The following POMC variants were observed in gnomAD, a reference collection of about 807,000 sequenced individuals.
POMC encodes the protein pro-opiomelanocortin.
Under a neutral mutation model 18.5 loss-of-function variants are expected in POMC, and 19 were observed. The observed-to-expected ratio is 1.03, with a 90% confidence interval of 0.72 to 1.51. POMC has a LOEUF of 1.51. Among genes scored for constraint, POMC ranks in the 40% most tolerant of loss-of-function variants. The probability of loss-of-function intolerance (pLI) is 0.00; values close to 1 mark genes in which losing one functional copy is unlikely to be tolerated. For missense variants in POMC, 451 were observed against 379.0 expected (o/e 1.19, Z -1.58); for synonymous variants, 179 against 161.9 (o/e 1.11, Z -0.80).
rs763349234 is a variant in POMC at position 25,161,742 on chromosome 2, C to T, written c.143G>A (p.Arg48Gln). ...TTESNLLECI[R>Q]ACKPDLSAET... is the part of the protein sequence containing the mutation. ...GGCCGAGAGGTCGGGCTTGCAGGCC[C>T]GGATGCACTCCTGGGGGAAGACGCG... The change falls in exon 3 of 3, where the codon CGG (arginine) becomes CAG (glutamine). Residue 48 changes from arginine (R) to glutamine (Q), a missense_variant. Arg to Gln is a conservative substitution (Grantham distance 43, BLOSUM62 1). Transcript: ENST00000395826. This position sits in a 1 kb window ranked among gnomAD's most constrained non-coding sequence, Gnocchi z 5.7. The T allele has an allele frequency of 1.1e-5, 18 of 1,593,760 alleles. No homozygotes were observed. Among genetic ancestry groups the T allele is most frequent in the Non-Finnish European group, 1.5e-5 (17 of 1,171,430 alleles).
At position 25,161,796 on chromosome 2, in the gene POMC, C is replaced by G. The variant is rs1329098242; in HGVS notation, c.133-44G>C. On this transcript the variant is annotated intron_variant, in intron 2 of 2. Coordinates refer to ENST00000395826, the MANE Select transcript of POMC (RefSeq NM_000939.4). The surrounding 1 kb of genome is among the most constrained non-coding windows in gnomAD (Gnocchi z 5.7). Reference sequence around the variant, plus strand: ...GCATGAGGGCAGCCCGTGCCCCGCACCCCGGCCCGGCTGCCGCGCCCGTCA... The same window carrying G: ...GCATGAGGGCAGCCCGTGCCCCGCAGCCCGGCCCGGCTGCCGCGCCCGTCA... 6.5e-7 allele frequency: 1 copy of G among 1,542,490 alleles called. No homozygotes were observed. The highest frequency in any genetic ancestry group is 8.7e-7 in the Non-Finnish European group (1 of 1,145,912).
At chr2:25,165,351 T>A (rs1671518764) in intron 1 of POMC, among the ~76,000 whole-genome samples, 1 of 152,216 alleles carries the variant, frequency 6.6e-6, no homozygotes, top group Admixed American at 6.5e-5. Context: ...AATATTAGGT[T>A]GACAGAAAAG....
chr2:25,164,744 C>G lies in POMC; in HGVS notation c.29G>C (p.Gly10Ala). The G allele has an allele frequency of 6.2e-7, 1 of 1,614,128 alleles. No homozygotes were observed. Among genetic ancestry groups the G allele is most frequent in the Non-Finnish European group, 8.5e-7 (1 of 1,180,032 alleles). ...AAGCAGCAAGGCCAGCAACAGGGCC[C>G]CCGAGCGGCTGCAGCACGATCTCGG... MPRSCCSRSGALLLALLLQA... is the reference protein window; with the variant it reads MPRSCCSRSAALLLALLLQA... Residue 10 changes from glycine (G) to alanine (A), a missense_variant, in exon 2 of 3, where the codon GGG becomes GCG. Physicochemically the swap from Gly to Ala is moderately conservative, Grantham distance 60. Transcript: ENST00000395826.
Position 25,161,436 on chromosome 2 carries a change from A to G in POMC, c.449T>C (p.Val150Ala). 1 of 1,606,866 alleles carries G rather than the reference A, an allele frequency of 6.2e-7. No individual in the cohort carries two copies. The highest frequency in any genetic ancestry group is 8.5e-7 in the Non-Finnish European group (1 of 1,178,242). ...CTTCACTGGGCGCCGCTTCTTGCCC[A>G]CCGGCTTGCCCCAGCGGAAGTGCTC... ...SMEHFRWGKP[V>A]GKKRRPVKVY... The change falls in exon 3 of 3, where the codon GTG becomes GCG. Residue 150 changes from valine (V) to alanine (A), a missense_variant. Coordinates refer to ENST00000395826, the MANE Select transcript of POMC (RefSeq NM_000939.4). The surrounding 1 kb of genome is among the most constrained non-coding windows in gnomAD (Gnocchi z 5.7).
intron 1 of POMC, among the ~76,000 whole-genome samples, chr2:25,167,706 C>T (rs1397743423): frequency 1.3e-5 from 2 of 152,182 alleles, no homozygotes; most frequent in Non-Finnish European, 2.9e-5. Flanking sequence ...ATTCAGGGGT[C>T]TGAATCCGAA....
intron 1 of POMC, among the ~76,000 whole-genome samples, chr2:25,167,871 T>C (rs1329371001): frequency 1.3e-5 from 2 of 152,186 alleles, no homozygotes; most frequent in Non-Finnish European, 2.9e-5. Context: ...AAGACCGGGC[T>C]GGCCGGGGGC....
In POMC at chr2:25,164,801, G is replaced by A; in HGVS notation, c.-20-9C>T. On this transcript the variant is annotated splice_polypyrimidine_tract_variant and intron_variant, in intron 1 of 2. Transcript: ENST00000395826. The stretch of plus-strand genomic sequence containing the variant: ...CCAGGCAGGCTGAGGCTCTGCAGAA[G>A]CAAACAAGATTGGTGGGACCCCTGC... 1 of 1,612,802 alleles carries A rather than the reference G, an allele frequency of 6.2e-7. No homozygotes were observed. Among genetic ancestry groups the A allele is most frequent in the Non-Finnish European group, 8.5e-7 (1 of 1,179,934 alleles).
chr2:25,161,150 C>T lies in POMC; in HGVS notation c.735G>A (p.Lys245=), dbSNP rs1426199112. The T allele has an allele frequency of 6.2e-7, 1 of 1,614,016 alleles. No homozygotes were observed. Among genetic ancestry groups the T allele is most frequent in the East Asian group, 2.2e-5 (1 of 44,854 alleles). Residue 245 remains lysine, a synonymous_variant, in exon 3 of 3, where the codon AAG becomes AAA. Transcript: ENST00000395826. The surrounding 1 kb of genome is among the most constrained non-coding windows in gnomAD (Gnocchi z 5.7). The part of the protein sequence containing the change: ...KRYGGFMTSE[K]SQTPLVTLFK... The stretch of plus-strand genomic sequence containing the variant: ...ACAGCGTCACCAGGGGCGTCTGGCT[C>T]TTCTCGGAGGTCATGAAACCGCCGT...
rs1478213489 is a variant in POMC, at chr2:25,161,730, G to A, written c.155C>T (p.Pro52Leu). The A allele has an allele frequency of 1.3e-6, 2 of 1,594,714 alleles. No individual in the cohort carries two copies. Among genetic ancestry groups the A allele is most frequent in the South Asian group, 1.1e-5 (1 of 87,828 alleles). Residue 52 changes from proline to leucine, a missense_variant, in exon 3 of 3, where the codon CCC (proline) becomes CTC (leucine). Physicochemically the swap from Pro to Leu is moderately conservative, Grantham distance 98 (BLOSUM62 -3). Transcript: ENST00000395826. This position sits in a 1 kb window ranked among gnomAD's most constrained non-coding sequence, Gnocchi z 5.7. ...NLLECIRACK[P>L]DLSAETPMFP... is the part of the protein sequence containing the mutation. ...CATGGGAGTCTCGGCCGAGAGGTCG[G>A]GCTTGCAGGCCCGGATGCACTCCTG... is the stretch of plus-strand genomic sequence containing the variant.
intron 2 of POMC, among the ~76,000 whole-genome samples, chr2:25,163,825 A>G (rs1286103824): frequency 3.3e-5 from 5 of 152,064 alleles, no homozygotes; most frequent in Non-Finnish European, 5.9e-5. Context: ...AGGTCTCACT[A>G]TGTTGCCCAG....
intron 1 of POMC, among the ~76,000 whole-genome samples, chr2:25,165,382 T>C (rs1671519667): frequency 6.6e-6 from 1 of 152,210 alleles, no homozygotes; most frequent in Non-Finnish European, 1.5e-5. Context: ...CACTGGCCAA[T>C]TTAGGCAGCA....
At chr2:25,162,700 C>G (rs570988009) in intron 2 of POMC, among the ~76,000 whole-genome samples, 155 of 152,230 alleles carry the variant, frequency 1.0e-3, no homozygotes, top group Admixed American at 3.8e-3. Context: ...TAGAGCGAGA[C>G]TCCGTCTCAA....
In POMC at chr2:25,161,722, A is replaced by G. The variant is rs757041963; in HGVS notation, c.163T>C (p.Ser55Pro). 5.6e-6 allele frequency: 9 copies of G among 1,593,668 alleles called. No individual in the cohort carries two copies. In the Admixed American group the frequency reaches 1.6e-4, roughly 27 times the overall value. The change falls in exon 3 of 3, where the codon TCG (serine) becomes CCG (proline). Residue 55 changes from serine to proline, a missense_variant. By Grantham distance (74) the Ser-to-Pro change is moderately conservative. Coordinates refer to ENST00000395826, the MANE Select transcript of POMC (RefSeq NM_000939.4). The surrounding 1 kb of genome is among the most constrained non-coding windows in gnomAD (Gnocchi z 5.7). ...CCCGGGAACATGGGAGTCTCGGCCG[A>G]GAGGTCGGGCTTGCAGGCCCGGATG... ...ECIRACKPDL[S>P]AETPMFPGNG...
rs1671393358 is a variant in POMC, at chr2:25,161,725, G to A, written c.160C>T (p.Leu54Phe). 6.3e-7 allele frequency: 1 copy of A among 1,594,482 alleles called. No homozygotes were observed. The highest frequency in any genetic ancestry group is 8.5e-7 in the Non-Finnish European group (1 of 1,171,608). The change falls in exon 3 of 3, where the codon CTC (leucine) becomes TTC (phenylalanine). Residue 54 changes from leucine (L) to phenylalanine (F), a missense_variant. By Grantham distance (22) the Leu-to-Phe change is conservative. Transcript: ENST00000395826. The surrounding 1 kb of genome is among the most constrained non-coding windows in gnomAD (Gnocchi z 5.7). Reference sequence around the variant, plus strand: ...GGGAACATGGGAGTCTCGGCCGAGAGGTCGGGCTTGCAGGCCCGGATGCAC... The same window carrying A: ...GGGAACATGGGAGTCTCGGCCGAGAAGTCGGGCTTGCAGGCCCGGATGCAC... Reference protein sequence around the residue: ...LECIRACKPDLSAETPMFPGN... With the variant: ...LECIRACKPDFSAETPMFPGN...
At chr2:25,165,363 A>G (rs1335411485) in intron 1 of POMC, among the ~76,000 whole-genome samples, 1 of 152,236 alleles carries the variant, frequency 6.6e-6, no homozygotes, top group African/African-American at 2.4e-5. Context: ...ACAGAAAAGC[A>G]AATAAAACCA....
Position 25,161,762 on chromosome 2 carries a change from G to A in POMC, c.133-10C>T. The stretch of plus-strand genomic sequence containing the variant: ...AGGCCCGGATGCACTCCTGGGGGAA[G>A]ACGCGAGGGCATGAGGGCAGCCCGT... On this transcript the variant is annotated splice_polypyrimidine_tract_variant and intron_variant, in intron 2 of 2. Transcript: ENST00000395826. The surrounding 1 kb of genome is among the most constrained non-coding windows in gnomAD (Gnocchi z 5.7). 6.3e-7 allele frequency: 1 copy of A among 1,586,232 alleles called. No individual in the cohort carries two copies. Among genetic ancestry groups the A allele is most frequent in the Non-Finnish European group, 8.6e-7 (1 of 1,167,848 alleles).
rs1481824022 is a variant in POMC, at chr2:25,161,186, C to T, written c.699G>A (p.Lys233=). Residue 233 remains lysine, a synonymous_variant, in exon 3 of 3, where the codon AAG becomes AAA. Coordinates refer to ENST00000395826, the MANE Select transcript of POMC (RefSeq NM_000939.4). The surrounding 1 kb of genome is among the most constrained non-coding windows in gnomAD (Gnocchi z 5.7). ...MEHFRWGSPP[K]DKRYGGFMTS... ...TCATGAAACCGCCGTAGCGCTTGTC[C>T]TTGGGCGGGCTGCCCCAGCGGAAGT... is the stretch of plus-strand genomic sequence containing the variant. 2 of 1,613,726 alleles carry T rather than the reference C, an allele frequency of 1.2e-6. No individual in the cohort carries two copies. Among genetic ancestry groups the T allele is most frequent in the Non-Finnish European group, 1.7e-6 (2 of 1,180,018 alleles).
rs761313795 is a variant in POMC, at chr2:25,161,242, TCTC to T, written c.640_642del (p.Glu214del). On this transcript the variant is annotated inframe_deletion, in exon 3 of 3. Coordinates refer to ENST00000395826, the MANE Select transcript of POMC (RefSeq NM_000939.4). This position sits in a 1 kb window ranked among gnomAD's most constrained non-coding sequence, Gnocchi z 5.7. The stretch of plus-strand genomic sequence containing the variant: ...ATCCTGTAGGGGCCCTCGTCCTTCT[TCTC>T]GGCCGCCACCAGCAGGCTGTGCTCC... 2 of 1,611,650 alleles carry T rather than the reference TCTC, an allele frequency of 1.2e-6. No individual in the cohort carries two copies. The highest frequency in any genetic ancestry group is 2.2e-5 in the South Asian group (2 of 90,876).
At chr2:25,162,132 C>T (rs935664401) in intron 2 of POMC, among the ~76,000 whole-genome samples, 8 of 152,110 alleles carry the variant, frequency 5.3e-5, no homozygotes, top group African/African-American at 1.4e-4. Flanking sequence ...GAAAGGCAGA[C>T]GGGTGGTAGT....
Sources: allele counts gnomAD v4.1 joint callset (sites outside exome capture counted in the v4.1 genomes callset), GRCh38; gene constraint gnomAD v4.1.1; non-coding constraint Gnocchi (gnomAD v3.1); transcripts MANE v1.5; gene names NCBI Gene and HGNC (gene_info 2026-07-23, HGNC 2026-07-21).